The following AGBL1 variants were observed in gnomAD, a reference collection of about 807,000 sequenced individuals.
The protein encoded by AGBL1 is cytosolic carboxypeptidase 4.
Under a neutral mutation model 118.9 loss-of-function variants are expected in AGBL1, and 130 were observed. The observed-to-expected ratio is 1.09, with a 90% CI of 0.95 to 1.26. The LOEUF (loss-of-function observed/expected upper bound fraction) is 1.26. Ranked by LOEUF, AGBL1 falls within the 50% of genes most tolerant of loss-of-function variation. The probability of loss-of-function intolerance (pLI) is 0.00; values close to 1 mark genes in which losing one functional copy is unlikely to be tolerated. For synonymous variants in AGBL1, 555 were observed against 478.9 expected, an observed-to-expected ratio of 1.16 and a Z score of -2.08; for missense variants, 1,584 against 1,298.1, an observed-to-expected ratio of 1.22 and a Z score of -3.38.
chr15:86,715,797 A>G lies in AGBL1; in HGVS notation c.3158+41361A>G, dbSNP rs572661356. On this transcript the variant is annotated intron_variant, in intron 22 of 22. Coordinates refer to ENST00000614907, the MANE Select transcript of AGBL1 (RefSeq NM_001386094.1). ...AATCAGGCCGGGTGCGGTGGCTCAC[A>G]CCTGTAATCCCAGCACTTTGGGAGG... Among the ~76,000 whole-genome samples, 405 of 152,214 alleles carry G rather than the reference A, an allele frequency of 2.7e-3. 1 individual carries two copies. Among genetic ancestry groups the G allele is most frequent in the African/African-American group, 9.2e-3 (382 of 41,542 alleles).
intron 17 of AGBL1, among the ~76,000 whole-genome samples, chr15:86,322,755 A>G (rs1004611719): frequency 1.3e-5 from 2 of 152,336 alleles, no homozygotes; most frequent in South Asian, 4.1e-4. Flanking sequence ...TATTTACTTC[A>G]TGACTATCAA....
At chr15:86,844,785 C>A (rs569164094) in intron 22 of AGBL1, among the ~76,000 whole-genome samples, 1 of 151,898 alleles carries the variant, frequency 6.6e-6, no homozygotes, top group East Asian at 1.9e-4. Flanking sequence ...TTTTGCTTGC[C>A]CAAAGTAATG....
intron 22 of AGBL1, among the ~76,000 whole-genome samples, chr15:86,868,212 C>T (rs944685107): frequency 2.0e-5 from 3 of 152,070 alleles, no homozygotes; most frequent in Non-Finnish European, 2.9e-5. Context: ...AAAGGAACAG[C>T]CATGGACGTA....
intron 5 of AGBL1, among the ~76,000 whole-genome samples, chr15:86,163,700 C>A (rs905873464): frequency 2.0e-5 from 3 of 151,870 alleles, no homozygotes; most frequent in Admixed American, 6.6e-5. Flanking sequence ...TGCACTCCAG[C>A]CTGTGAGACA....
At chr15:86,568,779 G>T (rs988416693) in intron 21 of AGBL1, among the ~76,000 whole-genome samples, 2 of 152,102 alleles carry the variant, frequency 1.3e-5, no homozygotes, top group Non-Finnish European at 2.9e-5. Context: ...CATGGATTTT[G>T]AACACCCTTG....
At chr15:86,582,598 C>T (rs368442288) in intron 21 of AGBL1, among the ~76,000 whole-genome samples, 2 of 152,060 alleles carry the variant, frequency 1.3e-5, no homozygotes, top group African/African-American at 2.4e-5. Context: ...ATAGCAAAGA[C>T]TTGGAACCAA....
downstream of AGBL1, among the ~76,000 whole-genome samples, chr15:87,029,506 C>CCAT (rs5814270): frequency 4.6e-5 from 7 of 151,368 alleles, no homozygotes; most frequent in East Asian, 1.4e-3. Flanking sequence ...ATAACAACAA[C>CCAT]GACAGCAACA....
chr15:86,824,241 A>G (rs2078977896), intron 22 of AGBL1, among the ~76,000 whole-genome samples: 2 of 152,118 alleles, frequency 1.3e-5, no homozygotes, highest in Non-Finnish European at 2.9e-5. Context: ...GGTTATTAAG[A>G]TTGTAGAATC....
At position 86,577,671 on chromosome 15, in the gene AGBL1, C is replaced by T. The variant is rs555634861; in HGVS notation, c.2994+23134C>T. Among the ~76,000 whole-genome samples, 204 of 152,250 alleles carry T rather than the reference C, an allele frequency of 1.3e-3. 1 individual carries two copies. Among genetic ancestry groups the T allele is most frequent in the South Asian group, 8.1e-3 (39 of 4,808 alleles). ...AATGGACCAGGTGGGCCCAGGGTCC[C>T]CGTGCTGTGTGTAGCTATGGACGTG... On this transcript the variant is annotated intron_variant, in intron 21 of 22. Transcript: ENST00000614907.
intron 1 of AGBL1, among the ~76,000 whole-genome samples, chr15:86,134,276 C>T (rs569604903): frequency 2.6e-5 from 4 of 152,324 alleles, no homozygotes; most frequent in African/African-American, 9.6e-5. Context: ...GTTCAAACTG[C>T]ATGACTGGAA....
chr15:86,298,036 T>G (rs1440767888), intron 17 of AGBL1, among the ~76,000 whole-genome samples: 2 of 151,774 alleles, frequency 1.3e-5, no homozygotes, highest in Admixed American at 1.3e-4. Flanking sequence ...TTTATTTTCC[T>G]TTCCTAACCC....
chr15:86,826,739 A>G (rs2079017087), intron 22 of AGBL1, among the ~76,000 whole-genome samples: 1 of 152,144 alleles, frequency 6.6e-6, no homozygotes, highest in Admixed American at 6.6e-5. Flanking sequence ...GAGCATCAGC[A>G]TTGTTGAGAA....
intron 23 of AGBL1, among the ~76,000 whole-genome samples, chr15:86,980,884 CCTT>C (rs2081225319): frequency 8.2e-6 from 1 of 121,540 alleles, no homozygotes; most frequent in African/African-American, 3.3e-5. Context: ...TCAGAAACAT[CCTT>C]TTTTTTTTTT....
intron 3 of AGBL1, among the ~76,000 whole-genome samples, chr15:86,147,357 A>C (rs1010757882): frequency 6.6e-6 from 1 of 152,216 alleles, no homozygotes; most frequent in East Asian, 1.9e-4. Context: ...TCCCTGTCCT[A>C]GGTGAGGGAA....
rs567324705 is a variant in AGBL1 at position 86,536,415 on chromosome 15, A to T, written c.2686-9587A>T. ...AATTTCTGCCTCCCGGGTTCAAGCA[A>T]TTCTCCTGCCTCAGCTTCCTGAGTA... On this transcript the variant is annotated intron_variant, in intron 19 of 22. Coordinates refer to ENST00000614907, the MANE Select transcript of AGBL1 (RefSeq NM_001386094.1). Among the ~76,000 whole-genome samples the T allele has an allele frequency of 2.0e-5, 3 of 152,246 alleles. No homozygotes were observed. The South Asian group carries it at 6.2e-4, about 32-fold the overall frequency.
At chr15:87,028,682 A>G (rs2081758045) in intron 24 of AGBL1, 1 of 688,868 alleles carries the variant, frequency 1.5e-6, no homozygotes, top group Non-Finnish European at 2.5e-6. Flanking sequence ...TCTAATCTAA[A>G]TGTAAGTATG....
At chr15:86,446,257 G>A (rs1488314175) in intron 18 of AGBL1, among the ~76,000 whole-genome samples, 1 of 152,184 alleles carries the variant, frequency 6.6e-6, no homozygotes, top group Admixed American at 6.5e-5. Context: ...AATCAGTTGA[G>A]CATATTAAAC....
intron 24 of AGBL1, among the ~76,000 whole-genome samples, chr15:87,007,445 A>C (rs1458312764): frequency 6.6e-6 from 1 of 152,198 alleles, no homozygotes; most frequent in Non-Finnish European, 1.5e-5. Context: ...CTTTGGTAGG[A>C]ACTTTAAAAT....
In AGBL1 at chr15:86,876,314, C is replaced by G. The variant is rs563102704; in HGVS notation, c.3159-30773C>G. Among the ~76,000 whole-genome samples, 45 of 152,170 alleles carry G rather than the reference C, an allele frequency of 3.0e-4. No homozygotes were observed. The South Asian group carries it at 9.0e-3, about 30-fold the overall frequency. On this transcript the variant is annotated intron_variant, in intron 22 of 22. Transcript: ENST00000614907. ...CTGTGCTTCGGGGCAGGACTCCAGA[C>G]AGATGAATAGAGAGGGCCTTAGAAA...
Sources: gnomAD v4.1 joint callset for allele counts (sites outside exome capture counted in the v4.1 genomes callset) on GRCh38, gnomAD v4.1.1 for gene constraint, MANE v1.5 for transcripts, NCBI Gene and HGNC (gene_info 2026-07-23, HGNC 2026-07-21) for gene names.